CBLB: variants seen among roughly 807,000 people sequenced by gnomAD.
CBLB encodes the protein Cbl proto-oncogene B.
CBLB carries 31 observed loss-of-function variants against 104.9 expected under a neutral mutation model. The ratio of observed to expected loss-of-function variants is 0.30; its 90% CI spans 0.22 to 0.40. The LOEUF (loss-of-function observed/expected upper bound fraction) is 0.40, where lower values mean the gene tolerates loss of function less well. CBLB is among the 10% of genes least tolerant of loss of function. The probability of loss-of-function intolerance (pLI) is 1.00; values close to 1 mark genes in which losing one functional copy is unlikely to be tolerated. For synonymous variants in CBLB, 440 were observed against 422.6 expected (o/e 1.04, Z -0.51); for missense variants, 1,062 against 1,214.6 (o/e 0.87, Z 1.87).
intron 3 of CBLB, among the ~76,000 whole-genome samples, chr3:105,780,427 T>A (rs1274482186): frequency 2.0e-5 from 3 of 151,596 alleles, no homozygotes; most frequent in Non-Finnish European, 4.4e-5. Context: ...ACCCAAACAA[T>A]CCCCAAACAA....
At chr3:105,835,234 C>T (rs766981638) in intron 3 of CBLB, among the ~76,000 whole-genome samples, 1 of 152,084 alleles carries the variant, frequency 6.6e-6, no homozygotes, top group African/African-American at 2.4e-5. Flanking sequence ...GTTCTAAAAA[C>T]GAGCTTCAGT....
intron 3 of CBLB, among the ~76,000 whole-genome samples, chr3:105,813,399 G>T (rs2084566647): frequency 6.6e-6 from 1 of 152,074 alleles, no homozygotes; most frequent in South Asian, 2.1e-4. Context: ...TAAATAAAAA[G>T]TGGGTGCCCC....
At chr3:105,830,106 C>T (rs188009636) in intron 3 of CBLB, among the ~76,000 whole-genome samples, 4 of 152,304 alleles carry the variant, frequency 2.6e-5, no homozygotes, top group African/African-American at 7.2e-5. Flanking sequence ...CTTTCTACCT[C>T]CTCCCCTGCC....
At chr3:105,691,513 C>T (rs751683151) in intron 13 of CBLB, among the ~76,000 whole-genome samples, 2 of 152,180 alleles carry the variant, frequency 1.3e-5, no homozygotes, top group African/African-American at 2.4e-5. Flanking sequence ...ACTTCCAGCT[C>T]GCTTGCCAAT....
intron 6 of CBLB, among the ~76,000 whole-genome samples, chr3:105,741,831 A>C (rs2075626726): frequency 6.6e-6 from 1 of 152,248 alleles, no homozygotes; most frequent in African/African-American, 2.4e-5. Flanking sequence ...CTGTTAAAAA[A>C]ATAGTAACTT....
At position 105,682,078 on chromosome 3, in the gene CBLB, C is replaced by T. The variant is rs1176099376; in HGVS notation, c.2202-260G>A. ...AAGGGCCACAAAAATTGTTGATATC[C>T]TAAACACTATGTAAAATTAACTTAT... is the stretch of plus-strand genomic sequence containing the variant. On this transcript the variant is annotated intron_variant, in intron 14 of 18. Transcript: ENST00000394030. The T allele has an allele frequency of 2.1e-5, 9 of 423,900 alleles. No individual in the cohort carries two copies. In the East Asian group the frequency reaches 3.6e-4, roughly 17 times the overall value. The allele number at this position is 423,900 out of a possible 1,614,324, so 26.3% of individuals were successfully genotyped here.
At chr3:105,751,766 G>T in intron 4 of CBLB, 148 bp from the exon 5 acceptor site, 1 of 722,300 alleles carries the variant, frequency 1.4e-6, no homozygotes, top group Non-Finnish European at 2.5e-6. Context: ...TCATATTTCA[G>T]AACAAATGTA....
At chr3:105,797,433 G>A (rs2082368013) in intron 3 of CBLB, among the ~76,000 whole-genome samples, 1 of 151,790 alleles carries the variant, frequency 6.6e-6, no homozygotes, top group Non-Finnish European at 1.5e-5. Context: ...CAGACACCAG[G>A]GGCTACTTGA....
intron 10 of CBLB, among the ~76,000 whole-genome samples, chr3:105,719,117 C>T (rs1245049861): frequency 6.6e-6 from 1 of 152,164 alleles, no homozygotes; most frequent in Non-Finnish European, 1.5e-5. Context: ...CTTATGTGAC[C>T]TCTTAGAAGC....
At chr3:105,784,142 CTT>C (rs1300242496) in intron 3 of CBLB, among the ~76,000 whole-genome samples, 1 of 152,134 alleles carries the variant, frequency 6.6e-6, no homozygotes, top group Non-Finnish European at 1.5e-5. Context: ...AAGGAAAACT[CTT>C]TATCTTTAGT....
chr3:105,702,449 C>T lies in CBLB; in HGVS notation c.1604G>A (p.Cys535Tyr). ...TGGTTTATCTTGTTTTCTCACCATG[C>T]AAGGAGAAGACTAAAGAAACAGAAG... ...SPTGSPKSSP[C>Y]MVRKQDKPLP... Residue 535 changes from cysteine to tyrosine, a missense_variant, in exon 12 of 19, where the codon TGC becomes TAC. Cys to Tyr is a radical substitution (Grantham distance 194, BLOSUM62 -2). Transcript: ENST00000394030. The T allele has an allele frequency of 2.4e-6, 1 of 412,766 alleles. No homozygotes were observed. The highest frequency in any genetic ancestry group is 2.2e-5 in the South Asian group (1 of 44,680). 25.6% of individuals were successfully genotyped at this position (412,766 alleles called of 1,614,324 possible). A position where few individuals can be genotyped will look rare whatever the true frequency, so the allele number is the denominator to read the frequency against.
chr3:105,762,182 T>C lies in CBLB; in HGVS notation c.567-10564A>G, dbSNP rs761870492. On this transcript the variant is annotated intron_variant, in intron 4 of 18. Coordinates refer to ENST00000394030, the MANE Select transcript of CBLB (RefSeq NM_170662.5). ...AGATATGATATGGAATTGGAACTTA[T>C]GTTTCAAGAAGAAGCGGAGCATTAA... 3 of 152,192 alleles carry C rather than the reference T, an allele frequency of 2.0e-5. 1 individual carries two copies. The allele number at this position is 152,192 out of a possible 1,614,324, so 9.4% of individuals were successfully genotyped here. A position where few individuals can be genotyped will look rare whatever the true frequency, so the allele number is the denominator to read the frequency against.
At chr3:105,720,601 GAA>G (rs1406764485) in intron 9 of CBLB, among the ~76,000 whole-genome samples, 1 of 152,124 alleles carries the variant, frequency 6.6e-6, no homozygotes, top group Non-Finnish European at 1.5e-5. Flanking sequence ...CTCTCCTTAT[GAA>G]AAGAGTGCAG....
At chr3:105,861,179 T>C (rs955339680) in intron 2 of CBLB, among the ~76,000 whole-genome samples, 38 of 152,164 alleles carry the variant, frequency 2.5e-4, no homozygotes, top group African/African-American at 7.9e-4. Context: ...TATTAATATA[T>C]GCCCAAGCAG....
chr3:105,732,773 C>G (rs2074453215), intron 9 of CBLB, among the ~76,000 whole-genome samples: 2 of 152,114 alleles, frequency 1.3e-5, no homozygotes, highest in African/African-American at 4.8e-5. Flanking sequence ...CAATGTCCAT[C>G]CTTCCTCAAC....
In CBLB at chr3:105,702,472, A is replaced by AATAT; in HGVS notation, c.1594-14_1594-13insATAT. 2 of 860,782 alleles carry AATAT rather than the reference A, an allele frequency of 2.3e-6. No individual in the cohort carries two copies. The highest frequency in any genetic ancestry group is 3.3e-6 in the Non-Finnish European group (2 of 597,072). The allele number at this position is 860,782 out of a possible 1,614,324, so 53.3% of individuals were successfully genotyped here. A position where few individuals can be genotyped will look rare whatever the true frequency, so the allele number is the denominator to read the frequency against. ...TGCAAGGAGAAGACTAAAGAAACAGAAGAGAAAAAAAAAAAAAAAAAAAAA... is the reference window on the plus strand; with the variant it reads ...TGCAAGGAGAAGACTAAAGAAACAGAATATAGAGAAAAAAAAAAAAAAAAAAAAA... On this transcript the variant is annotated splice_polypyrimidine_tract_variant and intron_variant, in intron 11 of 18. Coordinates refer to ENST00000394030, the MANE Select transcript of CBLB (RefSeq NM_170662.5).
intron 4 of CBLB, among the ~76,000 whole-genome samples, chr3:105,767,027 T>C (rs1262776763): frequency 6.6e-6 from 1 of 152,188 alleles, no homozygotes; most frequent in Admixed American, 6.5e-5. Flanking sequence ...TTGAACAAAA[T>C]AGGCCTCCAA....
chr3:105,862,623 TAC>T (rs1231945562), intron 2 of CBLB, among the ~76,000 whole-genome samples: 1 of 152,220 alleles, frequency 6.6e-6, no homozygotes, highest in Non-Finnish European at 1.5e-5. Flanking sequence ...ATTCAAGCTT[TAC>T]AGAGTCAAGT....
chr3:105,692,694 C>G (rs1363655457), intron 13 of CBLB, among the ~76,000 whole-genome samples: 1 of 151,784 alleles, frequency 6.6e-6, no homozygotes, highest in East Asian at 1.9e-4. Flanking sequence ...GGAAACAATG[C>G]TAGTTTTTGA....
Sources: gnomAD v4.1 joint callset for allele counts (sites outside exome capture counted in the v4.1 genomes callset) on GRCh38, gnomAD v4.1.1 for gene constraint, MANE v1.5 for transcripts, NCBI Gene and HGNC (gene_info 2026-07-23, HGNC 2026-07-21) for gene names.